CRACDL: variants seen among roughly 807,000 people sequenced by gnomAD.
The protein encoded by CRACDL is CRACD like, also known as CRACD-like protein.
CRACDL carries 26 observed loss-of-function variants against 70.6 expected under a neutral mutation model. The observed-to-expected ratio is 0.37, with a 90% confidence interval of 0.27 to 0.51. The LOEUF is 0.51. Among genes scored for constraint, CRACDL ranks in the 20% least tolerant of loss-of-function variants. The pLI is 0.94. For synonymous variants in CRACDL, 618 were observed against 615.2 expected (o/e 1.00, Z -0.07); for missense variants, 1,283 against 1,376.9 (o/e 0.93, Z 1.08).
intron 1 of CRACDL, among the ~76,000 whole-genome samples, chr2:98,901,985 C>A (rs985352449): frequency 2.6e-5 from 4 of 152,230 alleles, no homozygotes; most frequent in Admixed American, 2.6e-4. Flanking sequence ...TGGACACCAA[C>A]CGAGAAAGCG....
intron 1 of CRACDL, among the ~76,000 whole-genome samples, chr2:98,895,054 C>T (rs778500644): frequency 1.2e-4 from 19 of 152,038 alleles, no homozygotes; most frequent in Non-Finnish European, 1.9e-4. Flanking sequence ...GAGGCTTCAG[C>T]GGTCCATGAT....
At chr2:98,896,697 A>G (rs894201948) in intron 1 of CRACDL, among the ~76,000 whole-genome samples, 10 of 152,168 alleles carry the variant, frequency 6.6e-5, no homozygotes, top group Non-Finnish European at 1.5e-4. Flanking sequence ...CTGGGGTCTG[A>G]GCCTGTTGTC....
intron 1 of CRACDL, among the ~76,000 whole-genome samples, chr2:98,916,505 GT>G (rs35933151): frequency 8.3e-5 from 6 of 71,900 alleles, no homozygotes; most frequent in African/African-American, 2.4e-4. Flanking sequence ...CAATAAAGCT[GT>G]TTTTTTTAAA....
intron 1 of CRACDL, among the ~76,000 whole-genome samples, chr2:98,860,078 TAGG>T (rs1417020634): frequency 6.6e-6 from 1 of 151,444 alleles, no homozygotes; most frequent in East Asian, 1.9e-4. Flanking sequence ...AAGAACAAAA[TAGG>T]AGTAAGTTTA....
intron 3 of CRACDL, among the ~76,000 whole-genome samples, chr2:98,835,609 A>G (rs905963778): frequency 3.3e-5 from 5 of 151,500 alleles, no homozygotes; most frequent in East Asian, 1.9e-4. Flanking sequence ...TGATATTTGG[A>G]AAAAAAAAGA....
rs578123951 is a variant in CRACDL at position 98,852,076 on chromosome 2, T to C, written c.-10-5266A>G. Among the ~76,000 whole-genome samples the C allele has an allele frequency of 3.3e-5, 5 of 152,286 alleles. No individual in the cohort carries two copies. In the East Asian group the frequency reaches 7.7e-4, roughly 23 times the overall value. On this transcript the variant is annotated intron_variant, in intron 1 of 9. Coordinates refer to ENST00000397899, the MANE Select transcript of CRACDL (RefSeq NM_207362.3). ...GCTCAAATACAAAGCCATAATCTTA[T>C]GGGCTTGATGAATCCAAGAATGGAA...
chr2:98,843,715 T>G (rs750853204), intron 2 of CRACDL, among the ~76,000 whole-genome samples: 34 of 152,352 alleles, frequency 2.2e-4, no homozygotes, highest in Non-Finnish European at 3.2e-4. Context: ...CCCTTCTGTC[T>G]CTGTGTATCT....
chr2:98,838,375 A>C (rs1034364595), intron 2 of CRACDL, 88 bp from the exon 3 acceptor site: 25 of 725,946 alleles, frequency 3.4e-5, no homozygotes, highest in Non-Finnish European at 5.4e-5. Flanking sequence ...AAAAGAGAGA[A>C]AGCAAGATTT....
At chr2:98,888,299 G>A (rs1056450994) in intron 1 of CRACDL, among the ~76,000 whole-genome samples, 8 of 152,226 alleles carry the variant, frequency 5.3e-5, no homozygotes, top group African/African-American at 1.2e-4. Flanking sequence ...TTTAAAAGAC[G>A]ACTGTGGAAA....
intron 7 of CRACDL, among the ~76,000 whole-genome samples, chr2:98,809,144 T>C (rs1451614916): frequency 1.3e-5 from 2 of 152,210 alleles, no homozygotes; most frequent in African/African-American, 4.8e-5. Context: ...AGTGAGGCTA[T>C]GACTCCTGAA....
At chr2:98,808,452 AC>A (rs1476788887) in intron 7 of CRACDL, among the ~76,000 whole-genome samples, 1 of 152,046 alleles carries the variant, frequency 6.6e-6, no homozygotes, top group Non-Finnish European at 1.5e-5. Context: ...GCCCAAAGAA[AC>A]CCTGAAGAGA....
chr2:98,807,551 T>A (rs116674351), intron 7 of CRACDL, among the ~76,000 whole-genome samples: 186 of 152,348 alleles, frequency 1.2e-3, no homozygotes, highest in African/African-American at 4.4e-3. Context: ...CAGTGCAGCA[T>A]GACACTGTGG....
chr2:98,886,154 C>T (rs1403244780), intron 1 of CRACDL, among the ~76,000 whole-genome samples: 2 of 152,196 alleles, frequency 1.3e-5, no homozygotes, highest in East Asian at 3.8e-4. Flanking sequence ...AAGGGGACAA[C>T]TGGGTTGAAG....
Position 98,846,865 on chromosome 2 carries a change from T to C in CRACDL, c.-10-55A>G, listed in dbSNP as rs141750295. The stretch of plus-strand genomic sequence containing the variant: ...AAACATGGTTAGCAGAAGTTACCAA[T>C]GAGTGAAATGGTGTTCGTGACTGCA... On this transcript the variant is annotated intron_variant, in intron 1 of 9. Coordinates refer to ENST00000397899, the MANE Select transcript of CRACDL (RefSeq NM_207362.3). 106 of 1,415,246 alleles carry C rather than the reference T, an allele frequency of 7.5e-5. No individual in the cohort carries two copies. In the African/African-American group the frequency reaches 1.2e-3, roughly 16 times the overall value. The allele number at this position is 1,415,246 out of a possible 1,614,324, so 87.7% of individuals were successfully genotyped here.
At chr2:98,873,368 G>T (rs893403392) in intron 1 of CRACDL, among the ~76,000 whole-genome samples, 3 of 152,236 alleles carry the variant, frequency 2.0e-5, no homozygotes, top group African/African-American at 7.2e-5. Context: ...AAGGCCACAA[G>T]GCAAGTCAGC....
intron 1 of CRACDL, among the ~76,000 whole-genome samples, chr2:98,866,472 C>CTTTTTTTT (rs869154325): frequency 2.8e-5 from 3 of 107,812 alleles, no homozygotes; most frequent in African/African-American, 1.1e-4. Flanking sequence ...ACAATCACTT[C>CTTTTTTTT]TTCTTTTTTT....
At chr2:98,853,085 C>A (rs561271728) in intron 1 of CRACDL, among the ~76,000 whole-genome samples, 1 of 151,590 alleles carries the variant, frequency 6.6e-6, no homozygotes, top group East Asian at 1.9e-4. Context: ...GGAGAACTTA[C>A]GAATAAACAT....
At chr2:98,900,592 C>T (rs921572225) in intron 1 of CRACDL, among the ~76,000 whole-genome samples, 5 of 152,052 alleles carry the variant, frequency 3.3e-5, no homozygotes, top group African/African-American at 1.2e-4. Flanking sequence ...TGTGTGCACA[C>T]GTTTGTGCAT....
chr2:98,802,934 C>T (rs543814076), intron 7 of CRACDL, among the ~76,000 whole-genome samples: 1 of 151,454 alleles, frequency 6.6e-6, no homozygotes, highest in African/African-American at 2.4e-5. Flanking sequence ...GGTGTCCTTT[C>T]TGAAGTAGCA....
Sources: gnomAD v4.1 joint callset for allele counts (sites outside exome capture counted in the v4.1 genomes callset) on GRCh38, gnomAD v4.1.1 for gene constraint, MANE v1.5 for transcripts, NCBI Gene and HGNC (gene_info 2026-07-23, HGNC 2026-07-21) for gene names.